The following MFHAS1 variants were observed in gnomAD, a reference collection of about 807,000 sequenced individuals.
MFHAS1 encodes the protein multifunctional ROCO family signaling regulator 1.
A neutral mutation model predicts 70.4 loss-of-function variants in MFHAS1; 50 were observed. The ratio of observed to expected loss-of-function variants is 0.71; its 90% CI spans 0.57 to 0.90. The LOEUF (loss-of-function observed/expected upper bound fraction) is 0.90. Among genes scored for constraint, MFHAS1 ranks in the 40% least tolerant of loss-of-function variants. The pLI, the probability that MFHAS1 is intolerant of heterozygous loss-of-function variation, is 0.00. For missense variants in MFHAS1, 1,795 were observed against 1,347.6 expected (o/e 1.33, Z -5.20); for synonymous variants, 952 against 620.0 (o/e 1.54, Z -7.96).
chr8:8,874,004 C>T (rs1166210948), intron 1 of MFHAS1, among the ~76,000 whole-genome samples: 3 of 152,186 alleles, frequency 2.0e-5, no homozygotes, highest in Non-Finnish European at 2.9e-5. Context: ...TTCCAATACA[C>T]ATCACCAAAG....
At chr8:8,845,926 T>A (rs1000735255) in intron 1 of MFHAS1, among the ~76,000 whole-genome samples, 1 of 151,986 alleles carries the variant, frequency 6.6e-6, no homozygotes, top group Non-Finnish European at 1.5e-5. Context: ...AACAAATCCA[T>A]CAACAACCCC....
chr8:8,818,359 C>T (rs1585032605), intron 1 of MFHAS1, among the ~76,000 whole-genome samples: 1 of 152,192 alleles, frequency 6.6e-6, no homozygotes, highest in Admixed American at 6.5e-5. Flanking sequence ...ACTGGTCTTC[C>T]ACCTAGTTCC....
intron 1 of MFHAS1, among the ~76,000 whole-genome samples, chr8:8,804,406 AAAAC>A (rs1183822502): frequency 2.0e-5 from 3 of 152,186 alleles, no homozygotes; most frequent in Admixed American, 6.5e-5. Flanking sequence ...AAATAAACAA[AAAAC>A]AAACAAACAA....
At chr8:8,806,689 G>T (rs187074061) in intron 1 of MFHAS1, among the ~76,000 whole-genome samples, 321 of 152,132 alleles carry the variant, frequency 2.1e-3, no homozygotes, top group Middle Eastern at 6.8e-3. Flanking sequence ...GGCCGGGTCC[G>T]GTGACCCAGG....
At chr8:8,827,491 T>G (rs1300993971) in intron 1 of MFHAS1, among the ~76,000 whole-genome samples, 1 of 152,256 alleles carries the variant, frequency 6.6e-6, no homozygotes, top group Non-Finnish European at 1.5e-5. Context: ...TTTATTTTCC[T>G]TTGCATTTTT....
At position 8,893,014 on chromosome 8, in the gene MFHAS1, C is replaced by T. The variant is rs1387134553; in HGVS notation, c.45G>A (p.Trp15Ter). The change falls in exon 1 of 3, where the codon TGG becomes TGA. Residue 15 changes from tryptophan (W) to a stop codon, truncating the protein, a stop_gained. Coordinates refer to ENST00000276282, the MANE Select transcript of MFHAS1 (RefSeq NM_004225.3). LOFTEE classifies it high-confidence loss of function. ...DSGNLKTARL[W>*]RDAALRARKL... ...TCCTGGCACGCAGGGCGGCGTCCCG[C>T]CACAGCCTCGCGGTCTTCAGGTTGC... 1 of 1,539,258 alleles carries T rather than the reference C, an allele frequency of 6.5e-7. No homozygotes were observed. The highest frequency in any genetic ancestry group is 1.4e-5 in the African/African-American group (1 of 70,478).
intron 1 of MFHAS1, among the ~76,000 whole-genome samples, chr8:8,866,177 T>C (rs73190091): frequency 1.3e-5 from 2 of 152,208 alleles, no homozygotes; most frequent in South Asian, 2.1e-4. Flanking sequence ...CTCTTTACCA[T>C]TGGTTCAGTA....
In MFHAS1 at chr8:8,784,995, T is replaced by G. The variant is rs1463878638; in HGVS notation, c.*1027A>C. On this transcript the variant is annotated 3_prime_UTR_variant, in exon 3 of 3. Coordinates refer to ENST00000276282, the MANE Select transcript of MFHAS1 (RefSeq NM_004225.3). ...GTAACTGGAGCCTAAATTCACAACC[T>G]TAAGATCTGACAGCCAGATGTGGAA... 1 of 152,196 alleles carries G rather than the reference T, an allele frequency of 6.6e-6. No homozygotes were observed. Among genetic ancestry groups the G allele is most frequent in the Non-Finnish European group, 1.5e-5 (1 of 68,036 alleles). 9.4% of individuals were successfully genotyped at this position (152,196 alleles called of 1,614,324 possible).
intron 1 of MFHAS1, among the ~76,000 whole-genome samples, chr8:8,871,082 G>A (rs1446006061): frequency 3.3e-5 from 5 of 152,102 alleles, no homozygotes; most frequent in Admixed American, 3.3e-4. Context: ...GCCTTCCTGA[G>A]AAGCAGCACA....
chr8:8,891,015 T>C lies in MFHAS1; in HGVS notation c.2044A>G (p.Ser682Gly), dbSNP rs1240457229. Residue 682 changes from serine to glycine, a missense_variant, in exon 1 of 3, where the codon AGC becomes GGC. Physicochemically the swap from Ser to Gly is moderately conservative, Grantham distance 56 (BLOSUM62 0). Coordinates refer to ENST00000276282, the MANE Select transcript of MFHAS1 (RefSeq NM_004225.3). The surrounding 1 kb of genome is among the most constrained non-coding windows in gnomAD (Gnocchi z 5.4). ...QPPQAQRLWL[S>G]WWDSARLGLQ... ...CCCAAGCGCGCCGAGTCCCACCAGC[T>C]TAGCCACAGTCGCTGGGCCTGAGGT... The C allele has an allele frequency of 1.9e-6, 3 of 1,613,866 alleles. No individual in the cohort carries two copies. The South Asian group carries it at 3.3e-5, about 18-fold the overall frequency.
intron 1 of MFHAS1, among the ~76,000 whole-genome samples, chr8:8,850,796 A>G: frequency 7.5e-6 from 1 of 134,122 alleles, no homozygotes; most frequent in African/African-American, 2.8e-5. Context: ...GGGCAACAGG[A>G]GTGAAACTCC....
At chr8:8,834,141 C>T (rs997527577) in intron 1 of MFHAS1, among the ~76,000 whole-genome samples, 1 of 148,298 alleles carries the variant, frequency 6.7e-6, no homozygotes, top group Non-Finnish European at 1.5e-5. Flanking sequence ...ACAAAAAAAA[C>T]AAAACAAACA....
chr8:8,892,156 G>T lies in MFHAS1; in HGVS notation c.903C>A (p.Leu301=). ...AGGTGAGCTGGTTGCGACTAAGGTAGAGCTCCTCCAGACCAGCCAGGGGCA... is the reference window on the plus strand; with the variant it reads ...AGGTGAGCTGGTTGCGACTAAGGTATAGCTCCTCCAGACCAGCCAGGGGCA... ...ALLPLAGLEE[L]YLSRNQLTSV... The change falls in exon 1 of 3, where the codon CTC becomes CTA. Residue 301 remains leucine (L), a synonymous_variant. Transcript: ENST00000276282. This position sits in a 1 kb window ranked among gnomAD's most constrained non-coding sequence, Gnocchi z 4.7. The T allele has an allele frequency of 6.2e-7, 1 of 1,611,218 alleles. No homozygotes were observed. Among genetic ancestry groups the T allele is most frequent in the East Asian group, 2.2e-5 (1 of 44,872 alleles).
chr8:8,835,443 C>T (rs1207344477), intron 1 of MFHAS1, among the ~76,000 whole-genome samples: 1 of 152,194 alleles, frequency 6.6e-6, no homozygotes, highest in African/African-American at 2.4e-5. Flanking sequence ...CAGCCGCCAT[C>T]TCAGTGACTA....
At position 8,820,806 on chromosome 8, in the gene MFHAS1, C is replaced by T. The variant is rs759120232; in HGVS notation, c.2999-23315G>A. ...AGTTAAAGGTGGCCTTGACCAAGTG[C>T]GAAGCATGATTCCAGGCCAAAGCTG... On this transcript the variant is annotated intron_variant, in intron 1 of 2. Coordinates refer to ENST00000276282, the MANE Select transcript of MFHAS1 (RefSeq NM_004225.3). Among the ~76,000 whole-genome samples, 14 of 152,318 alleles carry T rather than the reference C, an allele frequency of 9.2e-5. No homozygotes were observed. The East Asian group carries it at 1.2e-3, about 13-fold the overall frequency.
intron 1 of MFHAS1, among the ~76,000 whole-genome samples, chr8:8,883,695 G>A (rs1483297341): frequency 9.3e-5 from 10 of 107,000 alleles, no homozygotes; most frequent in African/African-American, 2.4e-4. Flanking sequence ...GCAACAGAGC[G>A]AGACTCAGTC....
chr8:8,885,996 T>C (rs890453070), intron 1 of MFHAS1, among the ~76,000 whole-genome samples: 1 of 152,236 alleles, frequency 6.6e-6, no homozygotes, highest in Non-Finnish European at 1.5e-5. Flanking sequence ...TCATAGGCCA[T>C]CTCCGAGTTT....
intron 1 of MFHAS1, among the ~76,000 whole-genome samples, chr8:8,874,402 CTG>C (rs1233199668): frequency 6.6e-6 from 1 of 151,678 alleles, no homozygotes; most frequent in Non-Finnish European, 1.5e-5. Context: ...AGGGTTCTAA[CTG>C]TTCATATGGA....
chr8:8,866,216 C>T (rs1808851203), intron 1 of MFHAS1, among the ~76,000 whole-genome samples: 1 of 152,122 alleles, frequency 6.6e-6, no homozygotes, highest in African/African-American at 2.4e-5. Context: ...CTGCGAAAAG[C>T]TCTCTAACTG....
Sources: gnomAD v4.1 joint callset for allele counts (sites outside exome capture counted in the v4.1 genomes callset) on GRCh38, gnomAD v4.1.1 for gene constraint, Gnocchi (gnomAD v3.1) non-coding constraint, MANE v1.5 for transcripts, NCBI Gene and HGNC (gene_info 2026-07-23, HGNC 2026-07-21) for gene names.